AK8: variants seen among roughly 807,000 people sequenced by gnomAD.
The protein encoded by AK8 is adenylate kinase 8.
AK8 carries 44 observed loss-of-function variants against 54.6 expected under a neutral mutation model. That is an observed-to-expected ratio of 0.81 (90% confidence interval 0.63 to 1.04). The LOEUF (loss-of-function observed/expected upper bound fraction) is 1.04, where lower values mean the gene tolerates loss of function less well. Ranked by LOEUF, AK8 falls within the 50% of genes least tolerant of loss-of-function variation. AK8 has a pLI of 0.00. For synonymous variants in AK8, 239 were observed against 245.6 expected, an observed-to-expected ratio of 0.97 and a Z score of 0.25; for missense variants, 555 against 613.6, an observed-to-expected ratio of 0.90 and a Z score of 1.01.
chr9:132,744,031 G>A (rs764018349), intron 11 of AK8, among the ~76,000 whole-genome samples: 6 of 152,212 alleles, frequency 3.9e-5, no homozygotes, highest in African/African-American at 1.4e-4. Flanking sequence ...GCCAGCTAGC[G>A]GGAGGGACGG....
intron 6 of AK8, 70 bp from the exon 7 acceptor site, chr9:132,828,154 G>T: frequency 2.2e-6 from 3 of 1,347,626 alleles, no homozygotes; most frequent in Non-Finnish European, 1.0e-6. Flanking sequence ...GAATATCACA[G>T]ACCAATACTT....
chr9:132,785,382 G>A (rs902277335), intron 11 of AK8, among the ~76,000 whole-genome samples: 6 of 152,184 alleles, frequency 3.9e-5, no homozygotes, highest in East Asian at 1.9e-4. Context: ...GATTACAGGC[G>A]TGAGCCACCA....
At chr9:132,865,526 A>T (rs993807369) in intron 3 of AK8, among the ~76,000 whole-genome samples, 1 of 152,230 alleles carries the variant, frequency 6.6e-6, no homozygotes, top group Non-Finnish European at 1.5e-5. Flanking sequence ...TTTGGCACTT[A>T]AAAATGGACC....
At chr9:132,734,478 G>A (rs1277185091) in intron 11 of AK8, among the ~76,000 whole-genome samples, 6 of 152,190 alleles carry the variant, frequency 3.9e-5, no homozygotes, top group East Asian at 3.8e-4. Context: ...ACTCACGCCT[G>A]TAACCCCAGC....
intron 5 of AK8, among the ~76,000 whole-genome samples, chr9:132,845,686 C>G (rs151214241): frequency 0.03 from 4,443 of 150,386 alleles, 129 homozygotes; most frequent in Middle Eastern, 0.049. Flanking sequence ...GAGGCTGAGG[C>G]AGGAGAATCG....
intron 4 of AK8, among the ~76,000 whole-genome samples, chr9:132,856,527 T>C (rs1015239659): frequency 6.6e-6 from 1 of 152,162 alleles, no homozygotes; most frequent in African/African-American, 2.4e-5. Flanking sequence ...TCTGCCTGTA[T>C]GGTCTGGGTG....
chr9:132,772,955 T>G (rs764329103), intron 11 of AK8, among the ~76,000 whole-genome samples: 8 of 152,206 alleles, frequency 5.3e-5, no homozygotes, highest in Non-Finnish European at 1.0e-4. Flanking sequence ...AGCTGCTACC[T>G]TGTCCCCCTG....
At chr9:132,741,416 AT>A (rs1193210715) in intron 11 of AK8, among the ~76,000 whole-genome samples, 1 of 152,180 alleles carries the variant, frequency 6.6e-6, no homozygotes, top group Non-Finnish European at 1.5e-5. Context: ...GGGAACACTG[AT>A]CAACACTGAA....
At chr9:132,866,278 A>C (rs1422928810) in intron 3 of AK8, among the ~76,000 whole-genome samples, 1 of 152,230 alleles carries the variant, frequency 6.6e-6, no homozygotes, top group Non-Finnish European at 1.5e-5. Context: ...TTCACTGTCC[A>C]GAAAAGGGCA....
chr9:132,841,947 G>T (rs374300683), intron 5 of AK8, among the ~76,000 whole-genome samples: 1 of 152,146 alleles, frequency 6.6e-6, no homozygotes, highest in South Asian at 2.1e-4. Flanking sequence ...GGGTCCCAAG[G>T]GGGGACCTCC....
At chr9:132,730,436 G>GTT (rs5900990) in intron 11 of AK8, among the ~76,000 whole-genome samples, 63,024 of 141,720 alleles carry the variant, frequency 0.44, 14,205 homozygotes, top group Admixed American at 0.56. Flanking sequence ...CCCACTGCCT[G>GTT]TTTTTTTTTT....
chr9:132,869,250 C>A (rs1843712697), intron 2 of AK8, among the ~76,000 whole-genome samples: 2 of 152,214 alleles, frequency 1.3e-5, no homozygotes, highest in Non-Finnish European at 2.9e-5. Flanking sequence ...TCATAAGAGT[C>A]CTGCACAGGC....
Position 132,768,547 on chromosome 9 carries a change from G to A in AK8, c.1121+24087C>T, listed in dbSNP as rs574424244. Reference sequence around the variant, plus strand: ...CTCCCCAAGTGCTGGGATTACAGGCGTGAGCCACCGTGCCGGCCAACTTTT... The same window carrying A: ...CTCCCCAAGTGCTGGGATTACAGGCATGAGCCACCGTGCCGGCCAACTTTT... On this transcript the variant is annotated intron_variant, in intron 11 of 12. Coordinates refer to ENST00000298545, the MANE Select transcript of AK8 (RefSeq NM_152572.3). Among the ~76,000 whole-genome samples the A allele has an allele frequency of 4.9e-4, 75 of 152,296 alleles. 1 individual carries two copies. The South Asian group carries it at 0.015, about 30-fold the overall frequency.
At chr9:132,737,190 C>T (rs1837162705) in intron 11 of AK8, among the ~76,000 whole-genome samples, 1 of 152,080 alleles carries the variant, frequency 6.6e-6, no homozygotes, top group South Asian at 2.1e-4. Flanking sequence ...GTAGACATTA[C>T]AATGAAGGCA....
At chr9:132,805,669 G>A (rs1840686884) in intron 10 of AK8, among the ~76,000 whole-genome samples, 1 of 152,100 alleles carries the variant, frequency 6.6e-6, no homozygotes, top group Non-Finnish European at 1.5e-5. Flanking sequence ...GCACAAACCT[G>A]TTGATAAGCA....
At chr9:132,741,788 C>T (rs1837405303) in intron 11 of AK8, among the ~76,000 whole-genome samples, 1 of 152,146 alleles carries the variant, frequency 6.6e-6, no homozygotes, top group South Asian at 2.1e-4. Flanking sequence ...CAACCCTGTA[C>T]CCATGAACAG....
chr9:132,758,748 C>A (rs79073777), intron 11 of AK8, among the ~76,000 whole-genome samples: 6 of 151,954 alleles, frequency 3.9e-5, no homozygotes, highest in African/African-American at 1.5e-4. Context: ...CATGAGCCAC[C>A]GCATTTTCCA....
At chr9:132,850,825 T>C (rs1328927857) in intron 5 of AK8, among the ~76,000 whole-genome samples, 1 of 151,140 alleles carries the variant, frequency 6.6e-6, no homozygotes, top group Non-Finnish European at 1.5e-5. Flanking sequence ...TGAGCCACCA[T>C]GCCCAGCCTG....
chr9:132,826,954 C>A lies in AK8; in HGVS notation c.657G>T (p.Leu219=). The A allele has an allele frequency of 6.2e-7, 1 of 1,614,228 alleles. No individual in the cohort carries two copies. The highest frequency in any genetic ancestry group is 2.2e-5 in the East Asian group (1 of 44,890). The change falls in exon 8 of 13, where the codon CTG becomes CTT. Residue 219 remains leucine, a synonymous_variant. Coordinates refer to ENST00000298545, the MANE Select transcript of AK8 (RefSeq NM_152572.3). The surrounding 1 kb of genome is among the most constrained non-coding windows in gnomAD (Gnocchi z 4.5). Reference sequence around the variant, plus strand: ...TGACGATGTTCCTATGATACTCCAGCAGTTTCTGAGCCGTCTCCAGCTCTG... The same window carrying A: ...TGACGATGTTCCTATGATACTCCAGAAGTTTCTGAGCCGTCTCCAGCTCTG... ...DISELETAQK[L]LEYHRNIVRV...
Sources: gnomAD v4.1 joint callset for allele counts (sites outside exome capture counted in the v4.1 genomes callset) on GRCh38, gnomAD v4.1.1 for gene constraint, Gnocchi (gnomAD v3.1) non-coding constraint, MANE v1.5 for transcripts, NCBI Gene and HGNC (gene_info 2026-07-23, HGNC 2026-07-21) for gene names.